The following TBC1D5 variants were observed in gnomAD, a reference collection of about 807,000 sequenced individuals.
TBC1D5 encodes TBC1 domain family member 5.
Under a neutral mutation model 100.3 loss-of-function variants are expected in TBC1D5, and 75 were observed. The observed-to-expected ratio is 0.75, with a 90% CI of 0.62 to 0.91. The LOEUF (loss-of-function observed/expected upper bound fraction) is 0.91, where lower values mean the gene tolerates loss of function less well. Ranked by LOEUF, TBC1D5 falls within the 40% of genes least tolerant of loss-of-function variation. TBC1D5 has a pLI of 0.00. For synonymous variants in TBC1D5, 323 were observed against 325.6 expected (o/e 0.99, Z 0.09); for missense variants, 910 against 942.4 (o/e 0.97, Z 0.45).
intron 1 of TBC1D5, among the ~76,000 whole-genome samples, chr3:17,686,335 AG>A (rs761161214): frequency 5.1e-4 from 77 of 152,172 alleles, no homozygotes; most frequent in Non-Finnish European, 8.5e-4. Flanking sequence ...ATCCTTAAAT[AG>A]TAGATCCCAA....
At position 17,166,764 on chromosome 3, in the gene TBC1D5, T is replaced by G; in HGVS notation, c.2094+3A>C. The stretch of plus-strand genomic sequence containing the variant: ...TGTAACATGTTCCTCAGAGTTTCTG[T>G]ACCTGTTTAATGGCCCCTGACATTT... On this transcript the variant is annotated splice_donor_region_variant and intron_variant, in intron 21 of 21. Transcript: ENST00000253692. 6.2e-7 allele frequency: 1 copy of G among 1,602,690 alleles called. No individual in the cohort carries two copies. Among genetic ancestry groups the G allele is most frequent in the Non-Finnish European group, 8.5e-7 (1 of 1,176,718 alleles).
intron 2 of TBC1D5, among the ~76,000 whole-genome samples, chr3:17,527,675 A>G (rs1007091449): frequency 6.6e-6 from 1 of 152,196 alleles, no homozygotes; most frequent in African/African-American, 2.4e-5. Context: ...AAAGTACAAA[A>G]TAAGATAAAA....
intron 15 of TBC1D5, among the ~76,000 whole-genome samples, chr3:17,291,347 G>A (rs781474366): frequency 1.3e-4 from 20 of 152,252 alleles, no homozygotes; most frequent in South Asian, 6.2e-4. Flanking sequence ...ATTGCTTTAC[G>A]CTCAAATAGA....
chr3:17,720,285 T>G (rs1470104239), intron 1 of TBC1D5, among the ~76,000 whole-genome samples: 2 of 152,206 alleles, frequency 1.3e-5, no homozygotes, highest in African/African-American at 4.8e-5. Context: ...CACATTTGTG[T>G]AGCCAACATT....
chr3:17,490,065 T>C (rs772245351), intron 3 of TBC1D5, among the ~76,000 whole-genome samples: 1 of 152,226 alleles, frequency 6.6e-6, no homozygotes, highest in Non-Finnish European at 1.5e-5. Context: ...GGTATCTCAC[T>C]GTGGTTTTGA....
chr3:17,202,590 G>A (rs1256931527), intron 18 of TBC1D5, among the ~76,000 whole-genome samples: 2 of 152,206 alleles, frequency 1.3e-5, no homozygotes, highest in Non-Finnish European at 2.9e-5. Flanking sequence ...AGGCCTAGAG[G>A]CCTAGGAGGG....
chr3:17,293,007 A>T (rs561705226), intron 14 of TBC1D5, among the ~76,000 whole-genome samples: 13 of 152,264 alleles, frequency 8.5e-5, no homozygotes, highest in African/African-American at 3.1e-4. Context: ...ATAACTTCCT[A>T]CTTCTCCCCC....
intron 13 of TBC1D5, among the ~76,000 whole-genome samples, chr3:17,365,336 C>T (rs1391503712): frequency 6.6e-6 from 1 of 152,142 alleles, no homozygotes; most frequent in African/African-American, 2.4e-5. Context: ...AGCACTTTTC[C>T]TTCTTGGCCT....
At chr3:17,272,547 T>A (rs193213906) in intron 15 of TBC1D5, among the ~76,000 whole-genome samples, 129 of 152,314 alleles carry the variant, frequency 8.5e-4, no homozygotes, top group Non-Finnish European at 1.5e-3. Context: ...TTTACAAATA[T>A]TATCTCAGTC....
chr3:17,244,222 C>G (rs1339382394), intron 16 of TBC1D5, among the ~76,000 whole-genome samples: 1 of 152,186 alleles, frequency 6.6e-6, no homozygotes, highest in African/African-American at 2.4e-5. Flanking sequence ...CAGCCTAGTT[C>G]TAGTCCTGGC....
At chr3:17,346,769 A>G (rs1199798588) in intron 13 of TBC1D5, among the ~76,000 whole-genome samples, 1 of 152,202 alleles carries the variant, frequency 6.6e-6, no homozygotes, top group African/African-American at 2.4e-5. Context: ...TGGGGTATGC[A>G]TAACAGATTT....
At chr3:17,716,166 G>C (rs1181302759) in intron 1 of TBC1D5, among the ~76,000 whole-genome samples, 1 of 152,158 alleles carries the variant, frequency 6.6e-6, no homozygotes, top group Non-Finnish European at 1.5e-5. Context: ...ACACCATTGA[G>C]AGTTTATGTC....
chr3:17,271,841 T>G (rs1396165790), intron 15 of TBC1D5, among the ~76,000 whole-genome samples: 2 of 152,218 alleles, frequency 1.3e-5, no homozygotes, highest in Non-Finnish European at 2.9e-5. Flanking sequence ...CAAAAGATTT[T>G]TCTGCATTTA....
intron 8 of TBC1D5, among the ~76,000 whole-genome samples, chr3:17,400,907 T>C (rs2093626975): frequency 6.6e-6 from 1 of 152,114 alleles, no homozygotes; most frequent in Admixed American, 6.6e-5. Flanking sequence ...CCTTCAGCCA[T>C]AGACTGAAGG....
chr3:17,690,714 G>T (rs1388016702), intron 1 of TBC1D5, among the ~76,000 whole-genome samples: 1 of 152,100 alleles, frequency 6.6e-6, no homozygotes, highest in Non-Finnish European at 1.5e-5. Flanking sequence ...AGCGATCTAG[G>T]TTGCGTGCTC....
rs60889092 is a variant in TBC1D5 at position 17,591,233 on chromosome 3, C to CAAAAAAAAAAAAAAAAAAAAAAAAAAAA, written c.-36+32588_-36+32615dup. The stretch of plus-strand genomic sequence containing the variant: ...ACTGGGCTACAAAGAAAGGATCTGT[C>CAAAAAAAAAAAAAAAAAAAAAAAAAAAA]AAAAAAAAAAAAAAAAAAAAAAAAA... On this transcript the variant is annotated intron_variant, in intron 2 of 21. Transcript: ENST00000253692. Among the ~76,000 whole-genome samples, 8 of 18,662 alleles carry CAAAAAAAAAAAAAAAAAAAAAAAAAAAA rather than the reference C, an allele frequency of 4.3e-4. 1 individual carries two copies. The highest frequency in any genetic ancestry group is 1.0e-3 in the Admixed American group (1 of 994). The allele number at this position is 18,662 out of a possible 152,430, so 12.2% of individuals were successfully genotyped here. A position where few individuals can be genotyped will look rare whatever the true frequency, so the allele number is the denominator to read the frequency against.
intron 2 of TBC1D5, among the ~76,000 whole-genome samples, chr3:17,579,482 T>C (rs1259744541): frequency 6.6e-6 from 1 of 151,700 alleles, no homozygotes; most frequent in Non-Finnish European, 1.5e-5. Context: ...GAAAAGGAGG[T>C]GAAACTGTTG....
At chr3:17,659,101 G>C (rs2066402158) in intron 1 of TBC1D5, among the ~76,000 whole-genome samples, 2 of 152,116 alleles carry the variant, frequency 1.3e-5, no homozygotes, top group Non-Finnish European at 2.9e-5. Context: ...AGAGGGGGAA[G>C]GGAACCTGCA....
intron 1 of TBC1D5, among the ~76,000 whole-genome samples, chr3:17,693,242 G>C (rs1047748454): frequency 1.3e-5 from 2 of 152,198 alleles, no homozygotes; most frequent in African/African-American, 4.8e-5. Context: ...TGGACATTGG[G>C]TGCAGCCCAC....
Sources: allele counts gnomAD v4.1 joint callset (sites outside exome capture counted in the v4.1 genomes callset), GRCh38; gene constraint gnomAD v4.1.1; transcripts MANE v1.5; gene names NCBI Gene and HGNC (gene_info 2026-07-23, HGNC 2026-07-21).